LRRC4C: variants seen among roughly 807,000 people sequenced by gnomAD.
The protein encoded by LRRC4C is leucine rich repeat containing 4C.
LRRC4C carries 5 observed loss-of-function variants against 33.6 expected under a neutral mutation model. The observed-to-expected ratio is 0.15, with a 90% CI of 0.08 to 0.31. The LOEUF (loss-of-function observed/expected upper bound fraction) is 0.31, where lower values mean the gene tolerates loss of function less well. Ranked by LOEUF, LRRC4C falls within the 10% of genes least tolerant of loss-of-function variation. The pLI, the probability that LRRC4C is intolerant of heterozygous loss-of-function variation, is 1.00. For missense variants in LRRC4C, 560 were observed against 796.7 expected (o/e 0.70, Z 3.58); for synonymous variants, 329 against 302.0 (o/e 1.09, Z -0.93).
chr11:40,594,173 A>G lies in LRRC4C; in HGVS notation c.-270+53969T>C, dbSNP rs186050444. Among the ~76,000 whole-genome samples the G allele has an allele frequency of 1.1e-4, 17 of 152,234 alleles. 1 individual carries two copies. The East Asian group carries it at 3.3e-3, about 29-fold the overall frequency. On this transcript the variant is annotated intron_variant, in intron 3 of 6. Coordinates refer to ENST00000528697, the MANE Select transcript of LRRC4C (RefSeq NM_001258419.2). ...GCAATTTTCTATGGTACACTCTGAT[A>G]TTTTTCATTTAAATGTTAGCTCTTT...
chr11:40,197,067 A>G (rs901896183), intron 5 of LRRC4C, among the ~76,000 whole-genome samples: 18 of 152,286 alleles, frequency 1.2e-4, no homozygotes, highest in African/African-American at 4.3e-4. Flanking sequence ...CACACAACAA[A>G]ATAACTAATC....
intron 1 of LRRC4C, among the ~76,000 whole-genome samples, chr11:41,172,894 C>A (rs1377065077): frequency 6.6e-6 from 1 of 151,878 alleles, no homozygotes; most frequent in Non-Finnish European, 1.5e-5. Context: ...ATGGAAGGGG[C>A]CTTAGATATT....
intron 2 of LRRC4C, among the ~76,000 whole-genome samples, chr11:40,879,499 A>C (rs1303175530): frequency 6.6e-6 from 1 of 152,154 alleles, no homozygotes; most frequent in South Asian, 2.1e-4. Context: ...CTGTGGGGGA[A>C]AACAGAGGGG....
chr11:40,705,123 A>G (rs959573243), intron 2 of LRRC4C, among the ~76,000 whole-genome samples: 1 of 152,178 alleles, frequency 6.6e-6, no homozygotes, highest in Non-Finnish European at 1.5e-5. Flanking sequence ...CTGATGAGAA[A>G]GCCAAGATAA....
chr11:40,426,877 A>G (rs1950736142), intron 3 of LRRC4C, among the ~76,000 whole-genome samples: 1 of 152,096 alleles, frequency 6.6e-6, no homozygotes, highest in South Asian at 2.1e-4. Context: ...TACTGACTCA[A>G]ATCTCACTCC....
intron 1 of LRRC4C, among the ~76,000 whole-genome samples, chr11:41,456,037 A>C (rs1286319718): frequency 6.6e-6 from 1 of 152,144 alleles, no homozygotes; most frequent in African/African-American, 2.4e-5. Flanking sequence ...CAATTAATCC[A>C]TCTTTTATTT....
intron 4 of LRRC4C, among the ~76,000 whole-genome samples, chr11:40,244,190 A>G (rs1215190935): frequency 6.6e-6 from 1 of 152,156 alleles, no homozygotes; most frequent in African/African-American, 2.4e-5. Context: ...TAATACAGCA[A>G]TGAATATGTT....
At chr11:40,953,187 C>T (rs529026140) in intron 1 of LRRC4C, among the ~76,000 whole-genome samples, 2 of 151,838 alleles carry the variant, frequency 1.3e-5, no homozygotes, top group African/African-American at 4.8e-5. Flanking sequence ...CCGAGAGGGA[C>T]CCTATTTAGA....
intron 3 of LRRC4C, among the ~76,000 whole-genome samples, chr11:40,453,948 G>T (rs1388379327): frequency 6.6e-6 from 1 of 152,088 alleles, no homozygotes; most frequent in Admixed American, 6.6e-5. Context: ...TATGATATGT[G>T]AATTATATCT....
At chr11:40,427,898 C>A (rs1230487428) in intron 3 of LRRC4C, among the ~76,000 whole-genome samples, 4 of 152,090 alleles carry the variant, frequency 2.6e-5, no homozygotes, top group Admixed American at 6.6e-5. Context: ...CCGAAAAATT[C>A]TCAGGGAGAA....
intron 5 of LRRC4C, among the ~76,000 whole-genome samples, chr11:40,194,788 T>G (rs1417150346): frequency 1.3e-5 from 2 of 152,022 alleles, no homozygotes; most frequent in Non-Finnish European, 2.9e-5. Context: ...ATCTATAGAT[T>G]ATTAAAGAAG....
intron 3 of LRRC4C, among the ~76,000 whole-genome samples, chr11:40,378,884 G>A (rs1170793742): frequency 2.6e-5 from 4 of 152,116 alleles, no homozygotes; most frequent in African/African-American, 7.2e-5. Context: ...TATGGAGTTA[G>A]AAGTAAAATA....
rs551263968 is a variant in LRRC4C at position 40,651,369 on chromosome 11, A to G, written c.-406-3091T>C. The stretch of plus-strand genomic sequence containing the variant: ...GAGATGGGGGTGGGGGAGAGGAGAG[A>G]GAGAGAGAAAGAGACAGAAAAAAGT... On this transcript the variant is annotated intron_variant, in intron 2 of 6. Transcript: ENST00000528697. 3.2e-3 allele frequency among the ~76,000 whole-genome samples: 490 copies of G among 152,242 alleles called. 6 individuals carry two copies. Among genetic ancestry groups the G allele is most frequent in the African/African-American group, 0.011 (468 of 41,542 alleles).
intron 3 of LRRC4C, among the ~76,000 whole-genome samples, chr11:40,379,864 T>C (rs888065897): frequency 1.3e-5 from 2 of 152,146 alleles, no homozygotes; most frequent in Non-Finnish European, 2.9e-5. Flanking sequence ...TTGTTGGAAA[T>C]ACAAATTCAT....
intron 1 of LRRC4C, among the ~76,000 whole-genome samples, chr11:41,332,769 T>G (rs1259452270): frequency 6.6e-6 from 1 of 152,216 alleles, no homozygotes; most frequent in Non-Finnish European, 1.5e-5. Flanking sequence ...TATTAGCAAC[T>G]TGGGGTTTGC....
At chr11:40,603,667 A>C (rs1960256576) in intron 3 of LRRC4C, among the ~76,000 whole-genome samples, 1 of 152,186 alleles carries the variant, frequency 6.6e-6, no homozygotes, top group Non-Finnish European at 1.5e-5. Context: ...GAATGGCAGA[A>C]AGGGTCTTCA....
intron 2 of LRRC4C, among the ~76,000 whole-genome samples, chr11:40,807,999 C>T (rs555925352): frequency 2.0e-5 from 3 of 152,210 alleles, no homozygotes; most frequent in South Asian, 2.1e-4. Flanking sequence ...TGCTAATTAC[C>T]AGTTTTTTTA....
At chr11:41,105,925 T>C (rs980906608) in intron 1 of LRRC4C, among the ~76,000 whole-genome samples, 1 of 152,150 alleles carries the variant, frequency 6.6e-6, no homozygotes, top group African/African-American at 2.4e-5. Flanking sequence ...TATTTCTCTC[T>C]CTTTTTATCA....
chr11:40,662,678 G>T (rs1439975009), intron 2 of LRRC4C, among the ~76,000 whole-genome samples: 1 of 152,178 alleles, frequency 6.6e-6, no homozygotes, highest in Non-Finnish European at 1.5e-5. Context: ...GTGGTATTCT[G>T]GTGAGGATCA....
Sources: allele counts gnomAD v4.1 joint callset (sites outside exome capture counted in the v4.1 genomes callset), GRCh38; gene constraint gnomAD v4.1.1; transcripts MANE v1.5; gene names NCBI Gene and HGNC (gene_info 2026-07-23, HGNC 2026-07-21).